The following ENOX2 variants were observed in gnomAD, a reference collection of about 807,000 sequenced individuals.
The protein encoded by ENOX2 is ecto-NOX disulfide-thiol exchanger 2.
Under a neutral mutation model 45.0 loss-of-function variants are expected in ENOX2, and 36 were observed. The ratio of observed to expected loss-of-function variants is 0.80; its 90% CI spans 0.61 to 1.06. The LOEUF (loss-of-function observed/expected upper bound fraction) is 1.06. Among genes scored for constraint, ENOX2 ranks in the 50% least tolerant of loss-of-function variants. The probability of loss-of-function intolerance (pLI) is 0.00; values close to 1 mark genes in which losing one functional copy is unlikely to be tolerated. For missense variants in ENOX2, 423 were observed against 462.5 expected, an observed-to-expected ratio of 0.91 and a Z score of 0.78; for synonymous variants, 174 against 152.3, an observed-to-expected ratio of 1.14 and a Z score of -1.05.
chrX:130,771,592 C>T (rs2039743187), intron 3 of ENOX2, among the ~76,000 whole-genome samples: 3 of 112,162 alleles, frequency 2.7e-5, no homozygotes, highest in Non-Finnish European at 5.6e-5. Context: ...ATTTCCACAA[C>T]ACTGACTCAG....
Position 130,648,079 on chromosome X carries a change from A to G in ENOX2, c.1129+8502T>C, listed in dbSNP as rs144302138. 2.8e-4 allele frequency among the ~76,000 whole-genome samples: 32 copies of G among 112,389 alleles called. 1 individual carries two copies. Among genetic ancestry groups the G allele is most frequent in the African/African-American group, 1.0e-3 (32 of 30,996 alleles). ...TGTATATTAAATGTATAAGAAAGTTAAAAGGCAATTTGACAAAGATATGAA... is the reference window on the plus strand; with the variant it reads ...TGTATATTAAATGTATAAGAAAGTTGAAAGGCAATTTGACAAAGATATGAA... On this transcript the variant is annotated intron_variant, in intron 10 of 14. Transcript: ENST00000394363.
intron 2 of ENOX2, among the ~76,000 whole-genome samples, chrX:130,878,946 T>G (rs1272275158): frequency 8.9e-6 from 1 of 112,516 alleles, no homozygotes; most frequent in Non-Finnish European, 1.9e-5. Context: ...TCCAGAATAG[T>G]CTGATTTACT....
intron 10 of ENOX2, among the ~76,000 whole-genome samples, chrX:130,649,120 TG>T (rs1395642440): frequency 2.0e-5 from 2 of 98,036 alleles, no homozygotes; most frequent in Non-Finnish European, 4.0e-5. Flanking sequence ...TCTCACCATA[TG>T]ATCTCTGCCT....
intron 3 of ENOX2, among the ~76,000 whole-genome samples, chrX:130,764,621 C>A (rs1451721551): frequency 9.1e-6 from 1 of 110,214 alleles, no homozygotes; most frequent in Non-Finnish European, 1.9e-5. Flanking sequence ...ACTTGCAGAT[C>A]CAGGCTAAGA....
chrX:130,793,895 T>C lies in ENOX2; in HGVS notation c.-182-10205A>G, dbSNP rs140698943. 3.8e-3 allele frequency among the ~76,000 whole-genome samples: 429 copies of C among 112,504 alleles called. 2 individuals carry two copies. Among genetic ancestry groups the C allele is most frequent in the African/African-American group, 0.013 (414 of 30,962 alleles). On this transcript the variant is annotated intron_variant, in intron 2 of 14. Coordinates refer to ENST00000394363, the MANE Select transcript of ENOX2 (RefSeq NM_006375.4). ...AAAGTTCAAAAAAATGTTGATTTGA[T>C]AGAACAGTTCAAAGTGACAGATGGT...
At chrX:130,665,299 C>A (rs912931751) in intron 9 of ENOX2, among the ~76,000 whole-genome samples, 3 of 112,105 alleles carry the variant, frequency 2.7e-5, no homozygotes, top group African/African-American at 9.7e-5. Context: ...GTAAGACAGC[C>A]CTAATATTAC....
intron 10 of ENOX2, among the ~76,000 whole-genome samples, chrX:130,654,698 T>C (rs1050804171): frequency 8.9e-6 from 1 of 112,125 alleles, no homozygotes; most frequent in Non-Finnish European, 1.9e-5. Context: ...AGCTATTTGG[T>C]AAGCTCCATT....
intron 2 of ENOX2, among the ~76,000 whole-genome samples, chrX:130,858,556 C>T (rs931046463): frequency 3.6e-5 from 4 of 111,433 alleles, no homozygotes; most frequent in Non-Finnish European, 7.5e-5. Flanking sequence ...TTCTTTCTCC[C>T]CAAAGATACA....
At chrX:130,851,469 T>C (rs1315088660) in intron 2 of ENOX2, among the ~76,000 whole-genome samples, 1 of 109,234 alleles carries the variant, frequency 9.2e-6, no homozygotes, top group African/African-American at 3.4e-5. Context: ...TTCTTTTTTT[T>C]CCTTTTTTTT....
chrX:130,669,783 TA>T (rs2036929821), intron 7 of ENOX2, among the ~76,000 whole-genome samples, 181 bp downstream of exon 7: 2 of 112,045 alleles, frequency 1.8e-5, no homozygotes, highest in African/African-American at 6.5e-5. Flanking sequence ...GTAGTAGGGA[TA>T]AATTTCCTGG....
intron 6 of ENOX2, among the ~76,000 whole-genome samples, chrX:130,671,052 C>T (rs186263276): frequency 9.0e-6 from 1 of 111,378 alleles, no homozygotes; most frequent in East Asian, 2.8e-4. Context: ...AACTGAGCAT[C>T]AAAAGAGGTT....
At chrX:130,744,666 A>C (rs113420187) in intron 3 of ENOX2, among the ~76,000 whole-genome samples, 6 of 112,312 alleles carry the variant, frequency 5.3e-5, no homozygotes, top group Middle Eastern at 4.6e-3. Context: ...CTTTCATTTG[A>C]ATGACTGGAT....
At chrX:130,729,187 C>T (rs766476448) in intron 3 of ENOX2, among the ~76,000 whole-genome samples, 3 of 111,732 alleles carry the variant, frequency 2.7e-5, no homozygotes, top group African/African-American at 9.7e-5. Context: ...GGTTATATCC[C>T]CTCCTCTGCA....
intron 3 of ENOX2, among the ~76,000 whole-genome samples, chrX:130,720,865 T>C (rs1393516963): frequency 9.0e-6 from 1 of 111,202 alleles, no homozygotes; most frequent in Non-Finnish European, 1.9e-5. Flanking sequence ...TCTACAGAAG[T>C]CCCAAGTATA....
chrX:130,856,284 T>C lies in ENOX2; in HGVS notation c.-183+45400A>G, dbSNP rs1173530748. On this transcript the variant is annotated intron_variant, in intron 2 of 14. Transcript: ENST00000394363. Reference sequence around the variant, plus strand: ...ATGAGCCTTTGCTCGTGGAATTCACTAGTCTTGCCATGTTTCCCATCATGC... The same window carrying C: ...ATGAGCCTTTGCTCGTGGAATTCACCAGTCTTGCCATGTTTCCCATCATGC... 1.1e-4 allele frequency among the ~76,000 whole-genome samples: 12 copies of C among 112,611 alleles called. No individual in the cohort carries two copies. In the Admixed American group the frequency reaches 1.1e-3, roughly 11 times the overall value.
intron 3 of ENOX2, among the ~76,000 whole-genome samples, chrX:130,721,172 G>A: frequency 9.0e-6 from 1 of 111,515 alleles, no homozygotes. Context: ...TGGGTACAGT[G>A]CTTTTCAGGC....
At chrX:130,719,012 C>A (rs146715433) in intron 3 of ENOX2, among the ~76,000 whole-genome samples, 3 of 112,046 alleles carry the variant, frequency 2.7e-5, no homozygotes, top group Non-Finnish European at 3.8e-5. Context: ...GATCAGTTTG[C>A]GCCTGAGGAA....
chrX:130,789,561 T>A (rs1383209942), intron 2 of ENOX2, among the ~76,000 whole-genome samples: 1 of 111,905 alleles, frequency 8.9e-6, no homozygotes, highest in Non-Finnish European at 1.9e-5. Context: ...TCTGATAAAT[T>A]CAAATTAAGG....
intron 3 of ENOX2, among the ~76,000 whole-genome samples, chrX:130,708,856 A>C (rs972497357): frequency 8.9e-6 from 1 of 112,022 alleles, no homozygotes; most frequent in Non-Finnish European, 1.9e-5. Flanking sequence ...GTGTTAAACA[A>C]AAATTTTAAA....
Sources: gnomAD v4.1 joint callset for allele counts (sites outside exome capture counted in the v4.1 genomes callset) on GRCh38, gnomAD v4.1.1 for gene constraint, MANE v1.5 for transcripts, NCBI Gene and HGNC (gene_info 2026-07-23, HGNC 2026-07-21) for gene names.